Variants in RAD51B observed in about 807,000 individuals in gnomAD.
RAD51B encodes DNA repair protein RAD51 homolog 2.
RAD51B carries 38 observed loss-of-function variants against 42.2 expected under a neutral mutation model. The ratio of observed to expected loss-of-function variants is 0.90; its 90% CI spans 0.70 to 1.18. The LOEUF (loss-of-function observed/expected upper bound fraction) is 1.18, where lower values mean the gene tolerates loss of function less well. Ranked by LOEUF, RAD51B falls within the 50% of genes most tolerant of loss-of-function variation. RAD51B has a pLI of 0.00. For synonymous variants in RAD51B, 154 were observed against 145.2 expected (o/e 1.06, Z -0.43); for missense variants, 373 against 400.7 (o/e 0.93, Z 0.59).
At chr14:68,514,635 T>C (rs1429042021) in intron 10 of RAD51B, among the ~76,000 whole-genome samples, 5 of 152,128 alleles carry the variant, frequency 3.3e-5, no homozygotes, top group Non-Finnish European at 5.9e-5. Flanking sequence ...GGGGTTTTTG[T>C]TGTTGCTTAA....
At chr14:68,091,107 G>A (rs1427549535) in intron 7 of RAD51B, among the ~76,000 whole-genome samples, 2 of 151,976 alleles carry the variant, frequency 1.3e-5, no homozygotes, top group Admixed American at 6.6e-5. Flanking sequence ...ATCATTGTTG[G>A]ACATTTGGGT....
downstream of RAD51B, among the ~76,000 whole-genome samples, chr14:68,482,273 C>A (rs1021750288): frequency 6.6e-6 from 1 of 151,924 alleles, no homozygotes; most frequent in Non-Finnish European, 1.5e-5. Flanking sequence ...TAAGGTATTG[C>A]AGTCCTGGTG....
At chr14:67,863,072 C>A (rs2042213753) in intron 4 of RAD51B, among the ~76,000 whole-genome samples, 1 of 150,274 alleles carries the variant, frequency 6.7e-6, no homozygotes, top group South Asian at 2.1e-4. Flanking sequence ...CTATTATTGA[C>A]AGGAGTAATT....
At chr14:68,631,850 C>G (rs1357043403) in intron 10 of RAD51B, among the ~76,000 whole-genome samples, 2 of 152,208 alleles carry the variant, frequency 1.3e-5, no homozygotes, top group Non-Finnish European at 2.9e-5. Flanking sequence ...TGCTGGCCAT[C>G]CACCTCATAT....
chr14:68,564,665 C>A (rs1329004955), intron 10 of RAD51B, among the ~76,000 whole-genome samples: 1 of 152,226 alleles, frequency 6.6e-6, no homozygotes, highest in Non-Finnish European at 1.5e-5. Context: ...TCCCCACCAC[C>A]ACAAGGGCAC....
chr14:68,255,318 G>T (rs902484174), intron 7 of RAD51B, among the ~76,000 whole-genome samples: 30 of 152,198 alleles, frequency 2.0e-4, no homozygotes, highest in African/African-American at 7.2e-4. Flanking sequence ...AGCAAGATTT[G>T]TCAAAGATAA....
At chr14:68,139,882 G>A (rs1285547527) in intron 7 of RAD51B, among the ~76,000 whole-genome samples, 1 of 152,160 alleles carries the variant, frequency 6.6e-6, no homozygotes, top group Non-Finnish European at 1.5e-5. Flanking sequence ...TCTAGAATGA[G>A]GTCTGCTGCT....
At chr14:68,252,604 G>T (rs1248419358) in intron 7 of RAD51B, among the ~76,000 whole-genome samples, 1 of 152,046 alleles carries the variant, frequency 6.6e-6, no homozygotes, top group Non-Finnish European at 1.5e-5. Flanking sequence ...GTTTCTTTTT[G>T]TATAACAACA....
rs1023180301 is a variant in RAD51B, at chr14:67,916,550, T to A, written c.756+29346T>A. ...GAGCCACAGTGCCTGACAGTAATAT[T>A]TTTTTTTTTATTAGAAACATAAGAA... On this transcript the variant is annotated intron_variant, in intron 7 of 10. Transcript: ENST00000471583. Among the ~76,000 whole-genome samples the A allele has an allele frequency of 2.1e-5, 3 of 139,962 alleles. No homozygotes were observed. The East Asian group carries it at 5.8e-4, about 27-fold the overall frequency. 91.8% of individuals were successfully genotyped at this position (139,962 alleles called of 152,430 possible).
At chr14:68,072,661 C>A (rs548676601) in intron 7 of RAD51B, among the ~76,000 whole-genome samples, 1 of 152,258 alleles carries the variant, frequency 6.6e-6, no homozygotes, top group African/African-American at 2.4e-5. Context: ...TCAGTATTAA[C>A]CATCACAGGT....
intron 7 of RAD51B, among the ~76,000 whole-genome samples, chr14:68,098,030 CA>C (rs1189566107): frequency 6.6e-6 from 1 of 152,214 alleles, no homozygotes; most frequent in Non-Finnish European, 1.5e-5. Flanking sequence ...CTGTCGGATT[CA>C]GATGTCTTTC....
chr14:68,674,961 G>T (rs1893274026), intron 11 of RAD51B, among the ~76,000 whole-genome samples: 1 of 152,206 alleles, frequency 6.6e-6, no homozygotes, highest in Non-Finnish European at 1.5e-5. Context: ...TTTGTGGAAA[G>T]ACTTCTAAAT....
At chr14:68,276,143 A>C (rs773135808) in intron 7 of RAD51B, among the ~76,000 whole-genome samples, 4 of 152,186 alleles carry the variant, frequency 2.6e-5, no homozygotes, top group Non-Finnish European at 5.9e-5. Context: ...TCACCTTGTT[A>C]ATGACTTCCA....
At chr14:68,471,463 C>T (rs1228853708) in intron 10 of RAD51B, among the ~76,000 whole-genome samples, 1 of 152,050 alleles carries the variant, frequency 6.6e-6, no homozygotes, top group Non-Finnish European at 1.5e-5. Context: ...CTCCACAGGC[C>T]ATTTCCCTCA....
At chr14:68,048,396 G>T (rs2076337566) in intron 7 of RAD51B, among the ~76,000 whole-genome samples, 1 of 152,164 alleles carries the variant, frequency 6.6e-6, no homozygotes, top group African/African-American at 2.4e-5. Flanking sequence ...TAGGTTGCCT[G>T]TTCACTCTGA....
At chr14:68,628,789 C>G (rs1200553756) in intron 10 of RAD51B, among the ~76,000 whole-genome samples, 1 of 152,118 alleles carries the variant, frequency 6.6e-6, no homozygotes, top group Non-Finnish European at 1.5e-5. Context: ...GTGTACAGCC[C>G]GTTTCCAAAC....
At chr14:68,535,127 T>G (rs908524060) in intron 10 of RAD51B, among the ~76,000 whole-genome samples, 8 of 152,196 alleles carry the variant, frequency 5.3e-5, no homozygotes, top group Non-Finnish European at 1.2e-4. Flanking sequence ...TTACCTCACC[T>G]TTTCATGGTT....
Position 68,346,366 on chromosome 14 carries a change from T to A in RAD51B, c.853+54386T>A, listed in dbSNP as rs79383437. On this transcript the variant is annotated intron_variant, in intron 8 of 10. Coordinates refer to ENST00000471583, the MANE Select transcript of RAD51B (RefSeq NM_133510.4). ...TTTTAAGCAAAAAAGATCCCATTCC[T>A]CCTCTTCTATTTCTTTGCATGGTGA... is the stretch of plus-strand genomic sequence containing the variant. Among the ~76,000 whole-genome samples the A allele has an allele frequency of 3.5e-3, 534 of 152,296 alleles. 21 individuals carry two copies. The East Asian group carries it at 0.087, about 25-fold the overall frequency.
At chr14:68,614,496 T>A (rs1319361016), downstream of RAD51B, among the ~76,000 whole-genome samples, 1 of 152,220 alleles carries the variant, frequency 6.6e-6, no homozygotes, top group Non-Finnish European at 1.5e-5. Flanking sequence ...AGTCTCCATA[T>A]GCATTGGCAG....
Sources: allele counts gnomAD v4.1 joint callset (sites outside exome capture counted in the v4.1 genomes callset), GRCh38; gene constraint gnomAD v4.1.1; transcripts MANE v1.5; gene names NCBI Gene and HGNC (gene_info 2026-07-23, HGNC 2026-07-21).